The following IL36B variants were observed in gnomAD, a reference collection of about 807,000 sequenced individuals.
IL36B encodes the protein interleukin 36 beta, also known as interleukin-36 beta.
IL36B carries 23 observed loss-of-function variants against 19.3 expected under a neutral mutation model. That is an observed-to-expected ratio of 1.19 (90% CI 0.86 to 1.69). The LOEUF is 1.69. Among genes scored for constraint, IL36B ranks in the 40% most tolerant of loss-of-function variants. The probability of loss-of-function intolerance (pLI) is 0.00; values close to 1 mark genes in which losing one functional copy is unlikely to be tolerated. For synonymous variants in IL36B, 59 were observed against 59.7 expected (o/e 0.99, Z 0.05); for missense variants, 217 against 200.5 (o/e 1.08, Z -0.50).
At chr2:113,049,312 A>G (rs1207290031) in intron 1 of IL36B, among the ~76,000 whole-genome samples, 1 of 152,226 alleles carries the variant, frequency 6.6e-6, no homozygotes, top group African/African-American at 2.4e-5. Flanking sequence ...ATCAAAATTT[A>G]AAACTTCTGT....
chr2:113,029,551 C>A (rs1685034566), intron 3 of IL36B, among the ~76,000 whole-genome samples: 1 of 152,160 alleles, frequency 6.6e-6, no homozygotes, highest in African/African-American at 2.4e-5. Flanking sequence ...AAGGAGGAAT[C>A]AAGGATGTCT....
intron 4 of IL36B, 79 bp downstream of exon 4, chr2:113,028,860 A>G: frequency 6.9e-7 from 1 of 1,456,136 alleles, no homozygotes; most frequent in Non-Finnish European, 9.4e-7. Flanking sequence ...CAAGCATATT[A>G]TTTTTATTCA....
chr2:113,022,468 A>G lies in IL36B; in HGVS notation c.*206T>C, dbSNP rs1025608972. On this transcript the variant is annotated 3_prime_UTR_variant, in exon 6 of 6. Coordinates refer to ENST00000259213, the MANE Select transcript of IL36B (RefSeq NM_014438.5). The stretch of plus-strand genomic sequence containing the variant: ...ACACATTTACAGGTTATGTAGTCCA[A>G]ATCTACTCCTAAAAAGACTCCGACC... The G allele has an allele frequency of 1.0e-5, 5 of 490,836 alleles. No individual in the cohort carries two copies. Among genetic ancestry groups the G allele is most frequent in the African/African-American group, 5.9e-5 (3 of 50,910 alleles). 30.4% of individuals were successfully genotyped at this position (490,836 alleles called of 1,614,324 possible). A position where few individuals can be genotyped will look rare whatever the true frequency, so the allele number is the denominator to read the frequency against.
At chr2:113,026,010 T>C in intron 5 of IL36B, 1 of 1,523,712 alleles carries the variant, frequency 6.6e-7, no homozygotes. Flanking sequence ...TGATTATGTC[T>C]CAATACTGCT....
intron 3 of IL36B, among the ~76,000 whole-genome samples, chr2:113,029,847 C>T (rs1025592052): frequency 6.6e-6 from 1 of 152,048 alleles, no homozygotes; most frequent in Non-Finnish European, 1.5e-5. Flanking sequence ...TGAGGAACGC[C>T]ATCATTTGGA....
chr2:113,041,723 T>C (rs1318700991), intron 1 of IL36B, among the ~76,000 whole-genome samples: 5 of 152,204 alleles, frequency 3.3e-5, no homozygotes, highest in Admixed American at 2.6e-4. Context: ...ACTGGTATAA[T>C]TGACAAATAA....
In IL36B at chr2:113,022,666, C is replaced by A; in HGVS notation, c.*8G>T. On this transcript the variant is annotated 3_prime_UTR_variant, in exon 6 of 6. Coordinates refer to ENST00000259213, the MANE Select transcript of IL36B (RefSeq NM_014438.5). ...ATTGTAGAGATGGGAATCTTCCTCC[C>A]CTTATTTCTACATCCTTCCTGGCAT... The A allele has an allele frequency of 6.5e-7, 1 of 1,532,734 alleles. No individual in the cohort carries two copies. Among genetic ancestry groups the A allele is most frequent in the Non-Finnish European group, 9.0e-7 (1 of 1,105,846 alleles). 94.9% of individuals were successfully genotyped at this position (1,532,734 alleles called of 1,614,324 possible).
Position 113,028,985 on chromosome 2 carries a change from CAG to C in IL36B, c.213_214del (p.Cys72SerfsTer15). On this transcript the variant is annotated frameshift_variant, in exon 4 of 6. Coordinates refer to ENST00000259213, the MANE Select transcript of IL36B (RefSeq NM_014438.5). LOFTEE classifies it high-confidence loss of function. ...GCCCTGAATTTCTGCACAGAAGAGA[CAG>C]AGATCTTTTCCCTTGATTCCCAGGT... The C allele has an allele frequency of 6.2e-7, 1 of 1,614,186 alleles. No individual in the cohort carries two copies. The highest frequency in any genetic ancestry group is 8.5e-7 in the Non-Finnish European group (1 of 1,179,988).
At chr2:113,027,918 T>C (rs753993660) in intron 4 of IL36B, 3 of 1,613,970 alleles carry the variant, frequency 1.9e-6, no homozygotes, top group East Asian at 2.2e-5. Context: ...CCACAGAATC[T>C]AAGTAGAAGT....
chr2:113,046,724 T>C (rs1685357531), intron 1 of IL36B, among the ~76,000 whole-genome samples: 1 of 152,136 alleles, frequency 6.6e-6, no homozygotes, highest in Non-Finnish European at 1.5e-5. Context: ...GGGAGGGAGA[T>C]CACAGAGATA....
intron 1 of IL36B, among the ~76,000 whole-genome samples, chr2:113,041,182 G>A (rs1685250560): frequency 6.7e-6 from 1 of 148,950 alleles, no homozygotes; most frequent in Non-Finnish European, 1.5e-5. Context: ...AAGAAGAAAG[G>A]AAAGAAAATG....
At chr2:113,050,447 G>A (rs1163207650) in intron 1 of IL36B, among the ~76,000 whole-genome samples, 1 of 152,184 alleles carries the variant, frequency 6.6e-6, no homozygotes, top group African/African-American at 2.4e-5. Context: ...GGGCCGCTGG[G>A]GAGAGGGGAG....
At chr2:113,045,789 C>T (rs1459792637) in intron 1 of IL36B, among the ~76,000 whole-genome samples, 1 of 152,154 alleles carries the variant, frequency 6.6e-6, no homozygotes. Context: ...GCAGTTTTTA[C>T]ATCTTGGAGT....
chr2:113,029,728 T>C (rs1685038800), intron 3 of IL36B, among the ~76,000 whole-genome samples: 1 of 152,118 alleles, frequency 6.6e-6, no homozygotes, highest in Non-Finnish European at 1.5e-5. Context: ...AGGAGATCTG[T>C]GTTGGAAGTG....
intron 3 of IL36B, 30 bp downstream of exon 3, chr2:113,031,018 G>A: frequency 1.3e-6 from 2 of 1,495,182 alleles, no homozygotes; most frequent in Non-Finnish European, 1.9e-6. Context: ...ATCACCTCAA[G>A]AAGCAACAGT....
At chr2:113,041,705 T>C (rs1488023779) in intron 1 of IL36B, among the ~76,000 whole-genome samples, 1 of 152,186 alleles carries the variant, frequency 6.6e-6, no homozygotes, top group Non-Finnish European at 1.5e-5. Flanking sequence ...ATTCAACATA[T>C]ATAAAGAACT....
rs35274069 is a variant in IL36B, at chr2:113,042,427, A to G, written c.-58+10390T>C. Among the ~76,000 whole-genome samples the G allele has an allele frequency of 4.4e-3, 670 of 152,348 alleles. 4 individuals carry two copies. The highest frequency in any genetic ancestry group is 0.015 in the African/African-American group (640 of 41,584). The stretch of plus-strand genomic sequence containing the variant: ...TGAAACCATCATCAAAATTAAAATC[A>G]TGAACATATTCACCATCCCCCAAAG... On this transcript the variant is annotated intron_variant, in intron 1 of 5. Transcript: ENST00000259213.
At chr2:113,047,930 G>C (rs1442849460) in intron 1 of IL36B, among the ~76,000 whole-genome samples, 1 of 151,910 alleles carries the variant, frequency 6.6e-6, no homozygotes, top group Non-Finnish European at 1.5e-5. Context: ...CTCAGGAGAA[G>C]ACAGAAGAAG....
At position 113,031,072 on chromosome 2, in the gene IL36B, G is replaced by C. The variant is rs868633800; in HGVS notation, c.97C>G (p.Pro33Ala). ...CCAGGCTTAATGCTGCGGCTAAGAGGAGCTGCTATTAAAGAATTTCCACTC... is the reference window on the plus strand; with the variant it reads ...CCAGGCTTAATGCTGCGGCTAAGAGCAGCTGCTATTAAAGAATTTCCACTC... The change falls in exon 3 of 6, where the codon CCT becomes GCT. Residue 33 changes from proline (P) to alanine (A), a missense_variant. Pro to Ala is a conservative substitution (Grantham distance 27). Coordinates refer to ENST00000259213, the MANE Select transcript of IL36B (RefSeq NM_014438.5). 1.9e-5 allele frequency: 30 copies of C among 1,613,270 alleles called. No individual in the cohort carries two copies. The highest frequency in any genetic ancestry group is 2.3e-5 in the Non-Finnish European group (27 of 1,179,202).
Sources: gnomAD v4.1 joint callset for allele counts (sites outside exome capture counted in the v4.1 genomes callset) on GRCh38, gnomAD v4.1.1 for gene constraint, MANE v1.5 for transcripts, NCBI Gene and HGNC (gene_info 2026-07-23, HGNC 2026-07-21) for gene names.